Variants in TENM2 observed in about 807,000 individuals in gnomAD.
TENM2 encodes teneurin-2.
In TENM2, 52 loss-of-function variants were observed where a neutral mutation model predicts 245.2. The observed-to-expected ratio is 0.21, with a 90% confidence interval of 0.17 to 0.27. The LOEUF is 0.27. TENM2 is among the 10% of genes least tolerant of loss of function. The pLI, the probability that TENM2 is intolerant of heterozygous loss-of-function variation, is 1.00. For missense variants in TENM2, 3,046 were observed against 3,666.8 expected, an observed-to-expected ratio of 0.83 and a Z score of 4.37; for synonymous variants, 1,363 against 1,438.9, an observed-to-expected ratio of 0.95 and a Z score of 1.19.
intron 2 of TENM2, among the ~76,000 whole-genome samples, chr5:167,549,215 C>T (rs1046017932): frequency 3.3e-5 from 5 of 152,042 alleles, no homozygotes; most frequent in East Asian, 1.9e-4. Flanking sequence ...ACACCAACCC[C>T]GAATCTATAA....
chr5:167,158,835 G>A, the TENM2 span, among the ~76,000 whole-genome samples: 2 of 142,800 alleles, frequency 1.4e-5, no homozygotes, highest in Non-Finnish European at 3.0e-5. Context: ...CAAACATTCA[G>A]TCCATAGCAG....
rs1228566651 is a variant in TENM2, at chr5:167,851,047, C to T, written c.503-24939C>T. Among the ~76,000 whole-genome samples, 3 of 152,264 alleles carry T rather than the reference C, an allele frequency of 2.0e-5. No homozygotes were observed. The East Asian group carries it at 5.8e-4, about 29-fold the overall frequency. ...AGGAGATAAATTTCTCCAAGGAACC[C>T]AGCAGCAAAGAGCAAAGCCTTGAAA... On this transcript the variant is annotated intron_variant, in intron 2 of 28. Coordinates refer to ENST00000518659, the Ensembl canonical transcript of TENM2.
intron 1 of TENM2, among the ~76,000 whole-genome samples, chr5:167,300,634 T>C (rs938181419): frequency 2.0e-5 from 3 of 152,070 alleles, no homozygotes; most frequent in African/African-American, 7.2e-5. Context: ...TGGGATGGGA[T>C]ATTGGCATGG....
chr5:168,183,682 C>T (rs1331316127), intron 13 of TENM2, among the ~76,000 whole-genome samples: 1 of 152,144 alleles, frequency 6.6e-6, no homozygotes, highest in East Asian at 1.9e-4. Flanking sequence ...ATTAATTTTT[C>T]ACCTCTTCAT....
chr5:168,149,234 A>T (rs10040595), intron 12 of TENM2, among the ~76,000 whole-genome samples: 64,868 of 151,744 alleles, frequency 0.43, 14,614 homozygotes, highest in Non-Finnish European at 0.48. Context: ...CCGCGTCTCC[A>T]CTCTCAGCCA....
chr5:167,982,593 G>A (rs1355013950), intron 4 of TENM2, among the ~76,000 whole-genome samples: 1 of 152,026 alleles, frequency 6.6e-6, no homozygotes, highest in Non-Finnish European at 1.5e-5. Context: ...TTTAGAGGAG[G>A]CATCTGAGGA....
intron 1 of TENM2, among the ~76,000 whole-genome samples, chr5:167,342,452 A>G (rs1235475632): frequency 1.4e-5 from 2 of 147,402 alleles, no homozygotes; most frequent in Non-Finnish European, 3.0e-5. Context: ...TATGATATTA[A>G]CCCTGGTCAT....
the TENM2 span, among the ~76,000 whole-genome samples, chr5:167,079,130 G>A: frequency 3.9e-5 from 6 of 151,944 alleles, no homozygotes; most frequent in East Asian, 1.2e-3. Flanking sequence ...TGCTATTAGT[G>A]TTCATTTTGG....
At chr5:167,527,034 C>T (rs1417372529) in intron 2 of TENM2, among the ~76,000 whole-genome samples, 4 of 152,032 alleles carry the variant, frequency 2.6e-5, no homozygotes, top group Admixed American at 2.0e-4. Flanking sequence ...ACTCTCTGGA[C>T]TAAAGAATCT....
intron 2 of TENM2, among the ~76,000 whole-genome samples, chr5:167,539,743 C>T (rs1336377427): frequency 4.6e-5 from 7 of 152,120 alleles, no homozygotes. Flanking sequence ...ATTGACACAT[C>T]CCTATTATAT....
chr5:167,054,703 A>G, the TENM2 span, among the ~76,000 whole-genome samples: 1 of 152,150 alleles, frequency 6.6e-6, no homozygotes, highest in African/African-American at 2.4e-5. Flanking sequence ...TGGTATTGTC[A>G]GTGTCTTAAA....
At chr5:167,768,925 G>C (rs942315526) in intron 2 of TENM2, among the ~76,000 whole-genome samples, 1 of 152,082 alleles carries the variant, frequency 6.6e-6, no homozygotes, top group Non-Finnish European at 1.5e-5. Context: ...TAGAGGGTGC[G>C]GCTCATGGTC....
At chr5:168,093,257 G>A (rs1046696136) in intron 8 of TENM2, among the ~76,000 whole-genome samples, 2 of 152,092 alleles carry the variant, frequency 1.3e-5, no homozygotes, top group African/African-American at 4.8e-5. Flanking sequence ...CTTCCCCCAG[G>A]CCATCACTCA....
At chr5:167,615,733 T>A (rs141761997) in intron 2 of TENM2, among the ~76,000 whole-genome samples, 9 of 151,912 alleles carry the variant, frequency 5.9e-5, no homozygotes, top group African/African-American at 2.2e-4. Flanking sequence ...TGCTCCAGAG[T>A]CACTCATCAC....
At chr5:168,134,089 A>C (rs1350423292) in intron 12 of TENM2, among the ~76,000 whole-genome samples, 3 of 152,106 alleles carry the variant, frequency 2.0e-5, no homozygotes, top group Non-Finnish European at 4.4e-5. Flanking sequence ...CAGGAGGTGG[A>C]GGTTGCAGTG....
At chr5:167,631,859 C>T (rs1778900053) in intron 2 of TENM2, among the ~76,000 whole-genome samples, 1 of 152,120 alleles carries the variant, frequency 6.6e-6, no homozygotes, top group East Asian at 1.9e-4. Context: ...TAATCATAGC[C>T]CAGATTGTGG....
At chr5:167,901,866 A>G (rs2151520492) in intron 3 of TENM2, among the ~76,000 whole-genome samples, 1 of 152,174 alleles carries the variant, frequency 6.6e-6, no homozygotes, top group East Asian at 1.9e-4. Flanking sequence ...ATCTATACTT[A>G]TTTCCTTATA....
At chr5:168,207,227 G>A (rs1471699349) in intron 19 of TENM2, among the ~76,000 whole-genome samples, 1 of 152,164 alleles carries the variant, frequency 6.6e-6, no homozygotes, top group Non-Finnish European at 1.5e-5. Flanking sequence ...AGTACTAGAG[G>A]AGGTCCTGGC....
At chr5:166,996,400 A>G in the TENM2 span, among the ~76,000 whole-genome samples, 11 of 152,192 alleles carry the variant, frequency 7.2e-5, no homozygotes, top group Non-Finnish European at 1.6e-4. Context: ...AAACAATTAC[A>G]TGAAATTAAA....
Sources: gnomAD v4.1 joint callset for allele counts (sites outside exome capture counted in the v4.1 genomes callset) on GRCh38, gnomAD v4.1.1 for gene constraint, MANE v1.5 for transcripts, NCBI Gene and HGNC (gene_info 2026-07-23, HGNC 2026-07-21) for gene names.